Variants in PCED1B observed in about 807,000 individuals in gnomAD.
PCED1B encodes PC-esterase domain-containing protein 1B.
For synonymous variants in PCED1B, 251 were observed against 246.1 expected (o/e 1.02, Z -0.19); for missense variants, 573 against 573.9 (o/e 1.00, Z 0.02).
chr12:47,158,423 T>C (rs1272601374), intron 2 of PCED1B, among the ~76,000 whole-genome samples: 4 of 152,236 alleles, frequency 2.6e-5, no homozygotes. Flanking sequence ...TGAGCATCTT[T>C]TTATGTCCTT....
At chr12:47,137,540 G>A (rs753594019) in intron 2 of PCED1B, among the ~76,000 whole-genome samples, 2 of 151,604 alleles carry the variant, frequency 1.3e-5, no homozygotes, top group East Asian at 1.9e-4. Context: ...TTCAGCCTGG[G>A]CAGCATGGCA....
chr12:47,125,369 A>T (rs1939843447), intron 2 of PCED1B, among the ~76,000 whole-genome samples: 1 of 151,922 alleles, frequency 6.6e-6, no homozygotes, highest in Admixed American at 6.6e-5. Flanking sequence ...TGTTCTATTG[A>T]TTTATTTGCC....
chr12:47,150,952 A>G (rs567512937), intron 2 of PCED1B, among the ~76,000 whole-genome samples: 3 of 152,296 alleles, frequency 2.0e-5, no homozygotes, highest in African/African-American at 4.8e-5. Flanking sequence ...ATTAATATAA[A>G]TGGTAACAAG....
At chr12:47,185,087 G>A (rs1177597058) in intron 2 of PCED1B, among the ~76,000 whole-genome samples, 1 of 152,186 alleles carries the variant, frequency 6.6e-6, no homozygotes, top group East Asian at 1.9e-4. Context: ...GTCACAAGAT[G>A]TTGCTGCATC....
intron 2 of PCED1B, among the ~76,000 whole-genome samples, chr12:47,150,058 T>C (rs780879108): frequency 2.6e-5 from 4 of 152,226 alleles, no homozygotes; most frequent in Non-Finnish European, 4.4e-5. Flanking sequence ...TTTCACAATA[T>C]ACCTATGTAT....
At chr12:47,094,985 C>T (rs1418865086) in intron 1 of PCED1B, among the ~76,000 whole-genome samples, 12 of 150,226 alleles carry the variant, frequency 8.0e-5, no homozygotes, top group South Asian at 2.1e-4. Context: ...TGGCTCACTG[C>T]GGCCTCAACC....
chr12:47,122,131 T>A (rs1004420516), intron 2 of PCED1B, among the ~76,000 whole-genome samples: 2 of 151,872 alleles, frequency 1.3e-5, no homozygotes, highest in African/African-American at 4.8e-5. Flanking sequence ...TTAATTGAAA[T>A]AATAAAATGG....
intron 3 of PCED1B, among the ~76,000 whole-genome samples, chr12:47,228,630 G>A (rs951604612): frequency 2.6e-5 from 4 of 152,098 alleles, no homozygotes; most frequent in African/African-American, 9.7e-5. Context: ...AGCATTTTGG[G>A]AGGCCAAGGC....
At chr12:47,201,092 G>A (rs968359369) in intron 2 of PCED1B, among the ~76,000 whole-genome samples, 2 of 152,116 alleles carry the variant, frequency 1.3e-5, no homozygotes, top group Admixed American at 1.3e-4. Context: ...AAATTCTCTC[G>A]GCCCCGAAGA....
chr12:47,106,038 C>A (rs1022520953), intron 2 of PCED1B, among the ~76,000 whole-genome samples: 1 of 152,142 alleles, frequency 6.6e-6, no homozygotes, highest in Non-Finnish European at 1.5e-5. Flanking sequence ...ATCCTTTCAT[C>A]ATTTTACAGA....
chr12:47,118,345 T>A lies in PCED1B; in HGVS notation c.-526+14150T>A, dbSNP rs1939523460. Among the ~76,000 whole-genome samples the A allele has an allele frequency of 2.6e-5, 4 of 152,326 alleles. No individual in the cohort carries two copies. In the South Asian group the frequency reaches 8.3e-4, roughly 32 times the overall value. Reference sequence around the variant, plus strand: ...ATAAGTCTAACATGTAAGTCTTTAATCCATCTTGAACTAATTTTTGTATAA... The same window carrying A: ...ATAAGTCTAACATGTAAGTCTTTAAACCATCTTGAACTAATTTTTGTATAA... On this transcript the variant is annotated intron_variant, in intron 2 of 3. Transcript: ENST00000546455.
chr12:47,134,609 C>G (rs187422292), intron 2 of PCED1B, among the ~76,000 whole-genome samples: 21 of 152,296 alleles, frequency 1.4e-4, no homozygotes, highest in African/African-American at 5.1e-4. Context: ...GTGGCTCATG[C>G]CTGTAATCCC....
intron 3 of PCED1B, among the ~76,000 whole-genome samples, chr12:47,232,568 C>T (rs1433904338): frequency 6.6e-6 from 1 of 152,120 alleles, no homozygotes. Context: ...CAAGCCGCAC[C>T]GGATTTTCAA....
intron 2 of PCED1B, among the ~76,000 whole-genome samples, chr12:47,165,125 T>A (rs1052824350): frequency 2.0e-5 from 3 of 152,210 alleles, no homozygotes; most frequent in Admixed American, 6.5e-5. Context: ...CCAACTGGGA[T>A]TATTTTGCTC....
intron 2 of PCED1B, among the ~76,000 whole-genome samples, chr12:47,213,320 G>A (rs1317594808): frequency 1.3e-5 from 2 of 152,150 alleles, no homozygotes; most frequent in African/African-American, 4.8e-5. Flanking sequence ...GTGCTTTGAA[G>A]AGAAATTATC....
Position 47,156,143 on chromosome 12 carries a change from A to G in PCED1B, c.-526+51948A>G, listed in dbSNP as rs749489578. On this transcript the variant is annotated intron_variant, in intron 2 of 3. Transcript: ENST00000546455. ...ATTTCTAGTACTTTATTCAAAATAT[A>G]CTTTTTCTTTTTCCTTTTTTCTGTA... Among the ~76,000 whole-genome samples, 5 of 152,318 alleles carry G rather than the reference A, an allele frequency of 3.3e-5. No homozygotes were observed. In the East Asian group the frequency reaches 9.6e-4, roughly 29 times the overall value.
At chr12:47,128,491 C>T (rs1939990590) in intron 2 of PCED1B, among the ~76,000 whole-genome samples, 1 of 152,072 alleles carries the variant, frequency 6.6e-6, no homozygotes. Context: ...CAGAGATCTA[C>T]CCAAATATTC....
intron 3 of PCED1B, among the ~76,000 whole-genome samples, chr12:47,226,152 A>C (rs1451975193): frequency 6.6e-6 from 1 of 152,202 alleles, no homozygotes; most frequent in African/African-American, 2.4e-5. Context: ...AACAGAAAAA[A>C]ACATGGAACT....
chr12:47,091,440 A>G (rs1180482463), intron 1 of PCED1B, among the ~76,000 whole-genome samples: 2 of 152,000 alleles, frequency 1.3e-5, no homozygotes, highest in Non-Finnish European at 1.5e-5. Context: ...AATCATATAT[A>G]TGTGTGTTTG....
Sources: gnomAD v4.1 joint callset for allele counts (sites outside exome capture counted in the v4.1 genomes callset) on GRCh38, gnomAD v4.1.1 for gene constraint, MANE v1.5 for transcripts, NCBI Gene and HGNC (gene_info 2026-07-23, HGNC 2026-07-21) for gene names.